RCL1: variants seen among roughly 807,000 people sequenced by gnomAD.
RCL1 encodes the protein RNA terminal phosphate cyclase like 1, also known as RNA 3'-terminal phosphate cyclase-like protein.
In RCL1, 24 loss-of-function variants were observed where a neutral mutation model predicts 42.4. That is an observed-to-expected ratio of 0.57 (90% confidence interval 0.41 to 0.80). The LOEUF is 0.80. Among genes scored for constraint, RCL1 ranks in the 30% least tolerant of loss-of-function variants. The pLI, the probability that RCL1 is intolerant of heterozygous loss-of-function variation, is 0.00. For synonymous variants in RCL1, 228 were observed against 177.3 expected, an observed-to-expected ratio of 1.29 and a Z score of -2.27; for missense variants, 578 against 467.9, an observed-to-expected ratio of 1.24 and a Z score of -2.17.
intron 1 of RCL1, among the ~76,000 whole-genome samples, chr9:4,817,441 C>A (rs1179646936): frequency 6.7e-6 from 1 of 148,422 alleles, no homozygotes; most frequent in Non-Finnish European, 1.5e-5. Context: ...GTTGTATGTT[C>A]TCAGTTAATT....
At position 4,825,176 on chromosome 9, in the gene RCL1, C is replaced by T. The variant is rs145389840; in HGVS notation, c.208+1557C>T. Among the ~76,000 whole-genome samples the T allele has an allele frequency of 7.2e-4, 109 of 151,928 alleles. No homozygotes were observed. The East Asian group carries it at 0.019, about 26-fold the overall frequency. On this transcript the variant is annotated intron_variant, in intron 2 of 8. Coordinates refer to ENST00000381750, the MANE Select transcript of RCL1 (RefSeq NM_005772.5). The stretch of plus-strand genomic sequence containing the variant: ...GGGATTACAGGCATGAGCCACAGTG[C>T]GTGGCCCAAGTCTATTCTTTTCTAG...
intron 1 of RCL1, among the ~76,000 whole-genome samples, chr9:4,807,962 G>T (rs1051881921): frequency 6.6e-6 from 1 of 151,892 alleles, no homozygotes; most frequent in Non-Finnish European, 1.5e-5. Context: ...TTTTTTTAAT[G>T]GTCCAAGATA....
intron 1 of RCL1, 88 bp downstream of exon 1, chr9:4,793,315 G>A (rs1433363349): frequency 1.4e-6 from 2 of 1,394,834 alleles, no homozygotes; most frequent in Admixed American, 2.9e-5. Context: ...GGTGTTGGTT[G>A]GGCGGCTCGG....
In RCL1 at chr9:4,793,179, G is replaced by T; in HGVS notation, c.88G>T (p.Val30Phe). ...LVLSTLSGRPVKIRKIRARDD... is the reference protein window; with the variant it reads ...LVLSTLSGRPFKIRKIRARDD... The stretch of plus-strand genomic sequence containing the variant: ...CCTGTCTACCCTGAGCGGGCGCCCC[G>T]TCAAAATCCGAAAGATTCGGGCCAG... Residue 30 changes from valine to phenylalanine, a missense_variant, in exon 1 of 9, where the codon GTC becomes TTC. By Grantham distance (50) the Val-to-Phe change is conservative. Transcript: ENST00000381750. 4 of 1,610,434 alleles carry T rather than the reference G, an allele frequency of 2.5e-6. No homozygotes were observed. In the South Asian group the frequency reaches 4.4e-5, roughly 18 times the overall value.
intron 1 of RCL1, among the ~76,000 whole-genome samples, chr9:4,813,282 A>C (rs1816244867): frequency 2.0e-5 from 3 of 151,758 alleles, no homozygotes; most frequent in Admixed American, 6.6e-5. Context: ...TTTGCAATCT[A>C]CCCATCTGAC....
chr9:4,854,353 C>T (rs1587736544), intron 8 of RCL1, among the ~76,000 whole-genome samples: 1 of 152,300 alleles, frequency 6.6e-6, no homozygotes, highest in African/African-American at 2.4e-5. Flanking sequence ...TATTTAAAAG[C>T]TGCCATGTAA....
intron 1 of RCL1, among the ~76,000 whole-genome samples, chr9:4,807,877 A>C (rs573592468): frequency 8.5e-5 from 13 of 152,088 alleles, no homozygotes; most frequent in Non-Finnish European, 1.6e-4. Context: ...ATTTTCTGCT[A>C]TTGATTTTAA....
intron 4 of RCL1, among the ~76,000 whole-genome samples, chr9:4,833,865 C>A (rs948128503): frequency 2.6e-5 from 4 of 152,122 alleles, no homozygotes; most frequent in African/African-American, 9.7e-5. Flanking sequence ...TAGGTCAGCT[C>A]TATATTTTAA....
rs367663389 is a variant in RCL1, at chr9:4,857,587, TTGTG to T, written c.972-2535_972-2532del. Among the ~76,000 whole-genome samples the T allele has an allele frequency of 4.5e-3, 681 of 152,382 alleles. 8 individuals carry two copies. Among genetic ancestry groups the T allele is most frequent in the African/African-American group, 0.016 (653 of 41,592 alleles). On this transcript the variant is annotated intron_variant, in intron 8 of 8. Coordinates refer to ENST00000381750, the MANE Select transcript of RCL1 (RefSeq NM_005772.5). Reference sequence around the variant, plus strand: ...ATTATGAATATTTGCGTGCAAGTTTTTGTGTGGGTGTATGTTTTCATTTCTCTTG... The same window carrying T: ...ATTATGAATATTTGCGTGCAAGTTTTTGGGTGTATGTTTTCATTTCTCTTG...
At chr9:4,846,257 A>G (rs1817508966) in intron 7 of RCL1, among the ~76,000 whole-genome samples, 1 of 152,208 alleles carries the variant, frequency 6.6e-6, no homozygotes, top group Non-Finnish European at 1.5e-5. Context: ...ATGACCATCT[A>G]ATTAAAAATG....
intron 1 of RCL1, among the ~76,000 whole-genome samples, chr9:4,805,832 G>T (rs1563829983): frequency 6.6e-6 from 1 of 152,184 alleles, no homozygotes; most frequent in Non-Finnish European, 1.5e-5. Context: ...TGCCTTGTCA[G>T]TCTGGGGAAC....
chr9:4,837,144 A>G lies in RCL1; in HGVS notation c.584+2879A>G, dbSNP rs139578433. On this transcript the variant is annotated intron_variant, in intron 5 of 8. Coordinates refer to ENST00000381750, the MANE Select transcript of RCL1 (RefSeq NM_005772.5). ...TTAGGTTACAAAGAAATGGAAATGCAATGTAACTAGGTGTGTGTTTTTGAA... is the reference window on the plus strand; with the variant it reads ...TTAGGTTACAAAGAAATGGAAATGCGATGTAACTAGGTGTGTGTTTTTGAA... Among the ~76,000 whole-genome samples, 268 of 152,248 alleles carry G rather than the reference A, an allele frequency of 1.8e-3. 1 individual carries two copies. Among genetic ancestry groups the G allele is most frequent in the African/African-American group, 6.1e-3 (252 of 41,500 alleles).
intron 5 of RCL1, among the ~76,000 whole-genome samples, chr9:4,836,185 G>A (rs1287740789): frequency 6.6e-6 from 1 of 152,238 alleles, no homozygotes; most frequent in Admixed American, 6.5e-5. Context: ...CCAGCTGCAT[G>A]GCCATGTGGC....
intron 3 of RCL1, among the ~76,000 whole-genome samples, chr9:4,828,854 G>GT (rs1816857628): frequency 6.6e-6 from 1 of 152,206 alleles, no homozygotes; most frequent in South Asian, 2.1e-4. Flanking sequence ...TGCTGTAGGA[G>GT]TATCTGCTTT....
intron 8 of RCL1, among the ~76,000 whole-genome samples, chr9:4,854,539 G>T (rs1475871012): frequency 6.6e-6 from 1 of 152,150 alleles, no homozygotes; most frequent in Non-Finnish European, 1.5e-5. Flanking sequence ...GTTGTGGTTT[G>T]TGCCTGTGGG....
intron 1 of RCL1, among the ~76,000 whole-genome samples, chr9:4,800,361 C>G (rs1563826460): frequency 6.6e-6 from 1 of 151,358 alleles, no homozygotes; most frequent in African/African-American, 2.4e-5. Flanking sequence ...ATTACAGGCA[C>G]CCACCACCAT....
At chr9:4,851,600 T>C (rs1817750817) in intron 8 of RCL1, among the ~76,000 whole-genome samples, 1 of 152,198 alleles carries the variant, frequency 6.6e-6, no homozygotes, top group South Asian at 2.1e-4. Context: ...GGTGGGGGAA[T>C]AGTTTATTCT....
intron 8 of RCL1, among the ~76,000 whole-genome samples, chr9:4,855,997 C>G (rs1482773615): frequency 6.6e-6 from 1 of 152,098 alleles, no homozygotes; most frequent in Non-Finnish European, 1.5e-5. Flanking sequence ...TTGAGTGATT[C>G]AGAGTGAAGT....
intron 1 of RCL1, among the ~76,000 whole-genome samples, chr9:4,818,185 T>C (rs2130991952): frequency 6.6e-6 from 1 of 152,266 alleles, no homozygotes; most frequent in Non-Finnish European, 1.5e-5. Context: ...CCTCCCATAG[T>C]GCTGGGATTA....
Sources: allele counts gnomAD v4.1 joint callset (sites outside exome capture counted in the v4.1 genomes callset), GRCh38; gene constraint gnomAD v4.1.1; transcripts MANE v1.5; gene names NCBI Gene and HGNC (gene_info 2026-07-23, HGNC 2026-07-21).